ADAMTSL1: variants seen among roughly 807,000 people sequenced by gnomAD.
ADAMTSL1 encodes ADAMTS-like protein 1.
Under a neutral mutation model 201.8 loss-of-function variants are expected in ADAMTSL1, and 126 were observed. The ratio of observed to expected loss-of-function variants is 0.62; its 90% confidence interval spans 0.54 to 0.72. ADAMTSL1 has a LOEUF of 0.72. Ranked by LOEUF, ADAMTSL1 falls within the 30% of genes least tolerant of loss-of-function variation. The pLI, the probability that ADAMTSL1 is intolerant of heterozygous loss-of-function variation, is 0.00. For missense variants in ADAMTSL1, 2,679 were observed against 2,277.8 expected, an observed-to-expected ratio of 1.18 and a Z score of -3.59; for synonymous variants, 1,121 against 903.4, an observed-to-expected ratio of 1.24 and a Z score of -4.32.
intron 1 of ADAMTSL1, among the ~76,000 whole-genome samples, chr9:18,086,060 C>T (rs1823758961): frequency 6.6e-6 from 1 of 151,946 alleles, no homozygotes. Flanking sequence ...CAGCAGCTAG[C>T]GGGCTGGCAC....
intron 2 of ADAMTSL1, among the ~76,000 whole-genome samples, chr9:18,279,382 G>T (rs1832700941): frequency 6.6e-6 from 1 of 151,450 alleles, no homozygotes; most frequent in African/African-American, 2.4e-5. Context: ...GCTGTATTTT[G>T]AATTATCTAA....
chr9:18,080,379 A>C (rs1823442527), intron 1 of ADAMTSL1, among the ~76,000 whole-genome samples: 1 of 152,182 alleles, frequency 6.6e-6, no homozygotes, highest in South Asian at 2.1e-4. Context: ...GAGGATACCT[A>C]CAAGATGCCT....
chr9:18,697,896 T>G (rs1831654118), intron 13 of ADAMTSL1, among the ~76,000 whole-genome samples: 2 of 152,180 alleles, frequency 1.3e-5, no homozygotes, highest in Non-Finnish European at 2.9e-5. Context: ...CTTTGAAACT[T>G]AAAAGCAAAA....
intron 7 of ADAMTSL1, among the ~76,000 whole-genome samples, chr9:18,653,174 C>G (rs1296923101): frequency 6.6e-6 from 1 of 152,190 alleles, no homozygotes; most frequent in Non-Finnish European, 1.5e-5. Flanking sequence ...GATGCAGAGA[C>G]AGAGAACTGG....
intron 2 of ADAMTSL1, among the ~76,000 whole-genome samples, chr9:18,455,021 G>A (rs888791805): frequency 2.6e-5 from 4 of 152,066 alleles, no homozygotes; most frequent in African/African-American, 9.7e-5. Context: ...CATAGGGTGG[G>A]TGGGTGTGAA....
intron 1 of ADAMTSL1, among the ~76,000 whole-genome samples, chr9:18,104,426 T>G (rs1021578546): frequency 6.6e-5 from 10 of 152,168 alleles, no homozygotes; most frequent in African/African-American, 2.2e-4. Context: ...GACTGGAGCC[T>G]CCATAATTTC....
chr9:18,371,741 A>G (rs906395392), intron 2 of ADAMTSL1, among the ~76,000 whole-genome samples: 2 of 152,202 alleles, frequency 1.3e-5, no homozygotes, highest in Non-Finnish European at 2.9e-5. Flanking sequence ...AAATGTGGGC[A>G]TTAGGATGTG....
chr9:18,104,767 G>C (rs772778037), intron 1 of ADAMTSL1, among the ~76,000 whole-genome samples: 1 of 152,026 alleles, frequency 6.6e-6, no homozygotes, highest in Non-Finnish European at 1.5e-5. Flanking sequence ...AATTTTAAAA[G>C]AGCTGAAATG....
At chr9:18,576,123 G>A (rs781403602) in intron 4 of ADAMTSL1, among the ~76,000 whole-genome samples, 6 of 151,626 alleles carry the variant, frequency 4.0e-5, no homozygotes, top group South Asian at 2.1e-4. Flanking sequence ...GAGCAAATAC[G>A]GTATAATTTG....
chr9:18,265,744 C>A (rs1390954881), intron 2 of ADAMTSL1, among the ~76,000 whole-genome samples: 1 of 152,048 alleles, frequency 6.6e-6, no homozygotes, highest in Non-Finnish European at 1.5e-5. Flanking sequence ...TAAATAGAAT[C>A]ATTACACATG....
intron 2 of ADAMTSL1, among the ~76,000 whole-genome samples, chr9:18,222,915 A>G (rs974219136): frequency 9.9e-5 from 15 of 151,992 alleles, no homozygotes; most frequent in African/African-American, 3.4e-4. Flanking sequence ...GCTATTGAAA[A>G]TAGAGCTGCC....
At chr9:18,405,764 C>A (rs1818166323) in intron 2 of ADAMTSL1, among the ~76,000 whole-genome samples, 1 of 152,000 alleles carries the variant, frequency 6.6e-6, no homozygotes, top group Non-Finnish European at 1.5e-5. Context: ...TATAGAAGAC[C>A]TTTAAAAAGA....
chr9:17,942,648 T>A (rs149890333), intron 1 of ADAMTSL1, among the ~76,000 whole-genome samples: 91 of 152,244 alleles, frequency 6.0e-4, no homozygotes, highest in Admixed American at 1.2e-3. Flanking sequence ...CTGTCACCCC[T>A]TACACATGCT....
At chr9:18,866,196 C>T (rs766990932) in intron 23 of ADAMTSL1, among the ~76,000 whole-genome samples, 2 of 148,110 alleles carry the variant, frequency 1.4e-5, no homozygotes, top group Non-Finnish European at 3.0e-5. Context: ...CTGTTAAAAG[C>T]CAGGTTTTCT....
At chr9:18,527,910 C>G (rs1819189913) in intron 2 of ADAMTSL1, among the ~76,000 whole-genome samples, 1 of 152,140 alleles carries the variant, frequency 6.6e-6, no homozygotes, top group African/African-American at 2.4e-5. Context: ...TGGAGTCTTG[C>G]TCTGTCGCCC....
At chr9:18,709,058 C>T (rs1211908408) in intron 14 of ADAMTSL1, among the ~76,000 whole-genome samples, 1 of 152,134 alleles carries the variant, frequency 6.6e-6, no homozygotes, top group Non-Finnish European at 1.5e-5. Flanking sequence ...ATATCCAAAG[C>T]AGGGTAAAGT....
intron 7 of ADAMTSL1, among the ~76,000 whole-genome samples, chr9:18,643,812 T>G (rs1827599971): frequency 6.6e-6 from 1 of 152,054 alleles, no homozygotes; most frequent in South Asian, 2.1e-4. Flanking sequence ...TCAGGTCGTA[T>G]GATGCCTTTA....
chr9:18,626,994 G>A (rs1176996291), intron 5 of ADAMTSL1, among the ~76,000 whole-genome samples: 1 of 100,282 alleles, frequency 1.0e-5, no homozygotes, highest in Non-Finnish European at 2.0e-5. Flanking sequence ...TTCTTTTATT[G>A]AAACAGGGTC....
chr9:18,241,482 A>C (rs1256885001), intron 2 of ADAMTSL1, among the ~76,000 whole-genome samples: 1 of 152,078 alleles, frequency 6.6e-6, no homozygotes, highest in African/African-American at 2.4e-5. Flanking sequence ...CCTTCCTTTC[A>C]GGCTATTAAT....
Sources: allele counts gnomAD v4.1 joint callset (sites outside exome capture counted in the v4.1 genomes callset), GRCh38; gene constraint gnomAD v4.1.1; transcripts MANE v1.5; gene names NCBI Gene and HGNC (gene_info 2026-07-23, HGNC 2026-07-21).